Variants in CHCHD6 observed in about 807,000 individuals in gnomAD.
The protein encoded by CHCHD6 is MICOS complex subunit MIC25.
CHCHD6 carries 28 observed loss-of-function variants against 32.3 expected under a neutral mutation model. That is an observed-to-expected ratio of 0.87 (90% CI 0.64 to 1.19). The LOEUF is 1.19. Ranked by LOEUF, CHCHD6 falls within the 50% of genes most tolerant of loss-of-function variation. The pLI is 0.00. For missense variants in CHCHD6, 333 were observed against 307.0 expected, an observed-to-expected ratio of 1.08 and a Z score of -0.63; for synonymous variants, 122 against 117.5, an observed-to-expected ratio of 1.04 and a Z score of -0.25.
chr3:126,842,833 G>A (rs1315959302), intron 4 of CHCHD6, among the ~76,000 whole-genome samples: 1 of 130,630 alleles, frequency 7.7e-6, no homozygotes, highest in Admixed American at 8.0e-5. Flanking sequence ...TTTTTTTGGT[G>A]GGTGTGACCT....
chr3:126,709,507 G>A (rs536116423), intron 1 of CHCHD6, among the ~76,000 whole-genome samples: 1 of 152,350 alleles, frequency 6.6e-6, no homozygotes, highest in African/African-American at 2.4e-5. Flanking sequence ...ACCTGAGAGT[G>A]GATTTGTTGG....
intron 4 of CHCHD6, among the ~76,000 whole-genome samples, chr3:126,843,135 T>A (rs1941166922): frequency 6.6e-6 from 1 of 152,176 alleles, no homozygotes. Flanking sequence ...TATGAATGGA[T>A]GTCATATTTT....
At chr3:126,865,297 A>T (rs1942252262) in intron 5 of CHCHD6, among the ~76,000 whole-genome samples, 1 of 148,964 alleles carries the variant, frequency 6.7e-6, no homozygotes, top group Non-Finnish European at 1.5e-5. Flanking sequence ...AGCCACCTCC[A>T]TTACCAACTA....
chr3:126,809,374 C>G (rs1939559432), intron 4 of CHCHD6, among the ~76,000 whole-genome samples: 1 of 152,144 alleles, frequency 6.6e-6, no homozygotes, highest in Non-Finnish European at 1.5e-5. Flanking sequence ...TGTTCTGTCT[C>G]CTTTTACAGT....
chr3:126,768,059 T>C (rs976999409), intron 4 of CHCHD6, among the ~76,000 whole-genome samples: 4 of 152,206 alleles, frequency 2.6e-5, no homozygotes, highest in African/African-American at 9.7e-5. Flanking sequence ...AGTGAACATA[T>C]GTGATATGGT....
At chr3:126,803,959 G>T (rs897897771) in intron 4 of CHCHD6, among the ~76,000 whole-genome samples, 9 of 152,226 alleles carry the variant, frequency 5.9e-5, no homozygotes, top group Non-Finnish European at 1.5e-5. Context: ...GCTCCTGAAT[G>T]ATTAATGGAT....
chr3:126,801,769 T>C (rs4679295), intron 4 of CHCHD6, among the ~76,000 whole-genome samples: 53,652 of 152,042 alleles, frequency 0.35, 11,611 homozygotes, highest in African/African-American at 0.61. Flanking sequence ...CTCAAGTGGG[T>C]CCCTGACCCC....
At position 126,740,121 on chromosome 3, in the gene CHCHD6, T is replaced by C. The variant is rs911118333; in HGVS notation, c.411+6899T>C. Among the ~76,000 whole-genome samples, 35 of 152,230 alleles carry C rather than the reference T, an allele frequency of 2.3e-4. 1 individual carries two copies. The highest frequency in any genetic ancestry group is 3.4e-4 in the Non-Finnish European group (23 of 68,040). ...TGTGAGGGTGGGATCAAACCCATTCTGTTTGTCAGGGCTTAGGACCTGAGT... is the reference window on the plus strand; with the variant it reads ...TGTGAGGGTGGGATCAAACCCATTCCGTTTGTCAGGGCTTAGGACCTGAGT... On this transcript the variant is annotated intron_variant, in intron 4 of 7. Transcript: ENST00000290913.
chr3:126,928,605 T>A (rs1385113814), intron 6 of CHCHD6, among the ~76,000 whole-genome samples: 1 of 152,204 alleles, frequency 6.6e-6, no homozygotes, highest in Non-Finnish European at 1.5e-5. Context: ...ACTGGTTTTG[T>A]TTGTTTGTTT....
chr3:126,901,901 C>T (rs1458999068), intron 5 of CHCHD6, among the ~76,000 whole-genome samples: 4 of 152,230 alleles, frequency 2.6e-5, no homozygotes, highest in African/African-American at 9.6e-5. Flanking sequence ...ACTCAGCTTT[C>T]CCCCTGCATT....
At chr3:126,766,456 T>G in intron 4 of CHCHD6, 1 of 686,110 alleles carries the variant, frequency 1.5e-6, no homozygotes. Context: ...GCGGTTGTAT[T>G]CTGGTAGTTT....
At chr3:126,872,779 A>T (rs896219736) in intron 5 of CHCHD6, among the ~76,000 whole-genome samples, 27 of 152,180 alleles carry the variant, frequency 1.8e-4, no homozygotes, top group African/African-American at 6.0e-4. Context: ...GCAAAACAGG[A>T]TGTTCTCCAG....
intron 6 of CHCHD6, among the ~76,000 whole-genome samples, chr3:126,938,314 G>A (rs574354571): frequency 4.4e-4 from 67 of 152,326 alleles, no homozygotes; most frequent in African/African-American, 1.6e-3. Context: ...CAGACCCACT[G>A]TGCGTTCGTT....
intron 5 of CHCHD6, among the ~76,000 whole-genome samples, chr3:126,858,532 C>CAGGATCTGCTT (rs1941743689): frequency 6.6e-6 from 1 of 152,188 alleles, no homozygotes; most frequent in Non-Finnish European, 1.5e-5. Context: ...GCGCTCTGCT[C>CAGGATCTGCTT]AGGATCTGCT....
intron 6 of CHCHD6, among the ~76,000 whole-genome samples, chr3:126,951,695 A>G (rs956603494): frequency 1.3e-5 from 2 of 152,238 alleles, no homozygotes; most frequent in Admixed American, 1.3e-4. Flanking sequence ...GTGTGAGGTC[A>G]GTTCCCTCAT....
chr3:126,950,051 G>A (rs924751121), intron 6 of CHCHD6, among the ~76,000 whole-genome samples: 3 of 151,962 alleles, frequency 2.0e-5, no homozygotes, highest in African/African-American at 7.2e-5. Context: ...TTATGAATGG[G>A]AAGGAAGACT....
At chr3:126,759,227 A>G (rs1937076800) in intron 4 of CHCHD6, among the ~76,000 whole-genome samples, 1 of 152,234 alleles carries the variant, frequency 6.6e-6, no homozygotes, top group Non-Finnish European at 1.5e-5. Context: ...AGTGTTCTTC[A>G]GGCCTCACTC....
intron 4 of CHCHD6, among the ~76,000 whole-genome samples, chr3:126,804,278 G>C (rs1168194172): frequency 1.3e-5 from 2 of 152,104 alleles, no homozygotes; most frequent in Non-Finnish European, 2.9e-5. Flanking sequence ...CCAGGAGCTG[G>C]TTTTTTGAAA....
rs1046520839 is a variant in CHCHD6, at chr3:126,837,313, T to C, written c.412-15334T>C. On this transcript the variant is annotated intron_variant, in intron 4 of 7. Coordinates refer to ENST00000290913, the MANE Select transcript of CHCHD6 (RefSeq NM_032343.3). ...GGTGTGGTGGCTCACCCTGTAATTCTAGCACTTTAAGATGACAAGGCAGGA... is the reference window on the plus strand; with the variant it reads ...GGTGTGGTGGCTCACCCTGTAATTCCAGCACTTTAAGATGACAAGGCAGGA... Among the ~76,000 whole-genome samples, 12 of 152,294 alleles carry C rather than the reference T, an allele frequency of 7.9e-5. 1 individual carries two copies. Among genetic ancestry groups the C allele is most frequent in the African/African-American group, 2.9e-4 (12 of 41,568 alleles).
Sources: allele counts gnomAD v4.1 joint callset (sites outside exome capture counted in the v4.1 genomes callset), GRCh38; gene constraint gnomAD v4.1.1; transcripts MANE v1.5; gene names NCBI Gene and HGNC (gene_info 2026-07-23, HGNC 2026-07-21).